Variants in TMPPE observed in about 807,000 individuals in gnomAD.
TMPPE encodes transmembrane protein with metallophosphoesterase domain.
Under a neutral mutation model 22.6 loss-of-function variants are expected in TMPPE, and 16 were observed. The ratio of observed to expected loss-of-function variants is 0.71; its 90% CI spans 0.48 to 1.08. TMPPE has a LOEUF of 1.08. TMPPE is among the 50% of genes least tolerant of loss of function. The pLI is 0.00. For synonymous variants in TMPPE, 240 were observed against 245.3 expected (o/e 0.98, Z 0.20); for missense variants, 526 against 584.3 (o/e 0.90, Z 1.03).
At position 33,091,866 on chromosome 3, in the gene TMPPE, T is replaced by G; in HGVS notation, c.*968A>C. ...AGGCCTTTTCTAACACGGGTGCTTA[T>G]CTCCATCTCAGGATCAAAGGATCTA... is the stretch of plus-strand genomic sequence containing the variant. On this transcript the variant is annotated 3_prime_UTR_variant, in exon 2 of 2. Coordinates refer to ENST00000342462, the MANE Select transcript of TMPPE (RefSeq NM_001039770.3). 3.0e-6 allele frequency: 3 copies of G among 985,360 alleles called. No homozygotes were observed. The highest frequency in any genetic ancestry group is 3.6e-6 in the Non-Finnish European group (3 of 829,938). 61.0% of individuals were successfully genotyped at this position (985,360 alleles called of 1,614,324 possible). A position where few individuals can be genotyped will look rare whatever the true frequency, so the allele number is the denominator to read the frequency against.
Position 33,093,596 on chromosome 3 carries a change from C to G in TMPPE, c.600G>C (p.Leu200=). Reference sequence around the variant, plus strand: ...TCTTGAGGTTGTTCATTGAGGCAGGCAGCTGATGGATGGGCACCTCCACAG... The same window carrying G: ...TCTTGAGGTTGTTCATTGAGGCAGGGAGCTGATGGATGGGCACCTCCACAG... ...VKTVEVPIHQ[L]PASMNNLKIV... is the part of the protein sequence containing the mutation. The change falls in exon 2 of 2, where the codon CTG becomes CTC. Residue 200 remains leucine (L), a synonymous_variant. Transcript: ENST00000342462. This position sits in a 1 kb window ranked among gnomAD's most constrained non-coding sequence, Gnocchi z 6.0. 1 of 1,614,150 alleles carries G rather than the reference C, an allele frequency of 6.2e-7. No individual in the cohort carries two copies. Among genetic ancestry groups the G allele is most frequent in the Non-Finnish European group, 8.5e-7 (1 of 1,180,000 alleles).
chr3:33,094,204 C>T lies in TMPPE; in HGVS notation c.-9G>A. 1 of 1,586,550 alleles carries T rather than the reference C, an allele frequency of 6.3e-7. No individual in the cohort carries two copies. The highest frequency in any genetic ancestry group is 1.1e-5 in the South Asian group (1 of 87,008). On this transcript the variant is annotated 5_prime_UTR_variant, in exon 2 of 2. Transcript: ENST00000342462. ...TGCCTGAAGATGGCCATTTTCTCTGCTCCTAGTAGGCTCCCCCACCAGTTC... is the reference window on the plus strand; with the variant it reads ...TGCCTGAAGATGGCCATTTTCTCTGTTCCTAGTAGGCTCCCCCACCAGTTC...
In TMPPE at chr3:33,091,648, A is replaced by G; in HGVS notation, c.*1186T>C. ...CAATCTTGAGGTAGATACGATAATT[A>G]TCCCCATTTTAGGGTTGATGGAAAC... On this transcript the variant is annotated 3_prime_UTR_variant, in exon 2 of 2. Coordinates refer to ENST00000342462, the MANE Select transcript of TMPPE (RefSeq NM_001039770.3). 1 of 984,692 alleles carries G rather than the reference A, an allele frequency of 1.0e-6. No homozygotes were observed. 61.0% of individuals were successfully genotyped at this position (984,692 alleles called of 1,614,324 possible).
Position 33,091,988 on chromosome 3 carries a change from G to A in TMPPE, c.*846C>T, listed in dbSNP as rs1021371959. 2 of 983,360 alleles carry A rather than the reference G, an allele frequency of 2.0e-6. No individual in the cohort carries two copies. Among genetic ancestry groups the A allele is most frequent in the African/African-American group, 1.7e-5 (1 of 57,180 alleles). 60.9% of individuals were successfully genotyped at this position (983,360 alleles called of 1,614,324 possible). ...TCCTACATATCTTGTCATACTGCCTGTGCCCTATCTCTCTTTGCCTTGGTT... is the reference window on the plus strand; with the variant it reads ...TCCTACATATCTTGTCATACTGCCTATGCCCTATCTCTCTTTGCCTTGGTT... On this transcript the variant is annotated 3_prime_UTR_variant, in exon 2 of 2. Transcript: ENST00000342462.
chr3:33,096,583 T>G, intron 1 of TMPPE, 136 bp downstream of exon 1: 15 of 1,031,968 alleles, frequency 1.5e-5, no homozygotes, highest in Non-Finnish European at 1.7e-5. Flanking sequence ...GACCCCATTT[T>G]TCTCCTTCCG....
intron 1 of TMPPE, chr3:33,096,373 T>C: frequency 2.0e-6 from 2 of 981,342 alleles, no homozygotes; most frequent in Non-Finnish European, 2.4e-6. Context: ...CGATCAACGA[T>C]GGCATCCCCC....
Position 33,093,986 on chromosome 3 carries a change from G to T in TMPPE, c.210C>A (p.Asn70Lys). 2 of 1,614,194 alleles carry T rather than the reference G, an allele frequency of 1.2e-6. No individual in the cohort carries two copies. Among genetic ancestry groups the T allele is most frequent in the Non-Finnish European group, 1.7e-6 (2 of 1,180,028 alleles). The change falls in exon 2 of 2, where the codon AAC (asparagine) becomes AAA (lysine). Residue 70 changes from asparagine (N) to lysine (K), a missense_variant. By Grantham distance (94) the Asn-to-Lys change is moderately conservative. Transcript: ENST00000342462. This position sits in a 1 kb window ranked among gnomAD's most constrained non-coding sequence, Gnocchi z 6.0. ...ACTCTGCAGCTGGGGAGTGGCAGAG[G>T]TTGCTCACTGTGCTGCGCCAAATGT... ...SLYIWRSTVS[N>K]LCHSPAAEST...
chr3:33,092,873 C>G lies in TMPPE; in HGVS notation c.1323G>C (p.Arg441Ser). The G allele has an allele frequency of 6.2e-7, 1 of 1,612,416 alleles. No homozygotes were observed. The highest frequency in any genetic ancestry group is 8.5e-7 in the Non-Finnish European group (1 of 1,179,010). The part of the protein sequence containing the change: ...YYGIPMRLGS[R>S]AEITELILQR... ...GCAGGATGAGCTCTGTGATCTCGGCCCTGCTACCCAGCCTCATGGGTATCC... is the reference window on the plus strand; with the variant it reads ...GCAGGATGAGCTCTGTGATCTCGGCGCTGCTACCCAGCCTCATGGGTATCC... Residue 441 changes from arginine (R) to serine (S), a missense_variant, in exon 2 of 2, where the codon AGG becomes AGC. By Grantham distance (110) the Arg-to-Ser change is moderately radical (BLOSUM62 -1). Transcript: ENST00000342462.
chr3:33,096,533 G>C, intron 1 of TMPPE, 186 bp downstream of exon 1: 7 of 985,318 alleles, frequency 7.1e-6, no homozygotes, highest in Non-Finnish European at 8.4e-6. Context: ...AGCACCCAGA[G>C]GGGAAATAAC....
rs770330156 is a variant in TMPPE at position 33,093,170 on chromosome 3, C to T, written c.1026G>A (p.Leu342=). The T allele has an allele frequency of 1.2e-6, 2 of 1,614,142 alleles. No individual in the cohort carries two copies. The highest frequency in any genetic ancestry group is 1.7e-6 in the Non-Finnish European group (2 of 1,180,024). Residue 342 remains leucine (L), a synonymous_variant, in exon 2 of 2, where the codon CTG becomes CTA. Coordinates refer to ENST00000342462, the MANE Select transcript of TMPPE (RefSeq NM_001039770.3). The surrounding 1 kb of genome is among the most constrained non-coding windows in gnomAD (Gnocchi z 6.0). Reference sequence around the variant, plus strand: ...GATCCATGCCATGGCCAGAGTAGTGCAGGATGTCTGCTTCAATATCGTCCA... The same window carrying T: ...GATCCATGCCATGGCCAGAGTAGTGTAGGATGTCTGCTTCAATATCGTCCA... The part of the protein sequence containing the change: ...AGVDDIEADI[L]HYSGHGMDLD...
Position 33,093,754 on chromosome 3 carries a change from G to T in TMPPE, c.442C>A (p.Arg148Ser), listed in dbSNP as rs369965720. The T allele has an allele frequency of 1.9e-6, 3 of 1,613,582 alleles. No individual in the cohort carries two copies. The highest frequency in any genetic ancestry group is 2.2e-5 in the East Asian group (1 of 44,876). The change falls in exon 2 of 2, where the codon CGC becomes AGC. Residue 148 changes from arginine to serine, a missense_variant. Physicochemically the swap from Arg to Ser is moderately radical, Grantham distance 110 (BLOSUM62 -1). Coordinates refer to ENST00000342462, the MANE Select transcript of TMPPE (RefSeq NM_001039770.3). This position sits in a 1 kb window ranked among gnomAD's most constrained non-coding sequence, Gnocchi z 6.0. The part of the protein sequence containing the change: ...MEQAYQLLAW[R>S]SGRVVGSLEK... ...AGGCTGCCCACGACCCTACCACTGC[G>T]CCAGGCCAAGAGCTGGTAGGCCTGC...
At position 33,094,024 on chromosome 3, in the gene TMPPE, T is replaced by A. The variant is rs765486002; in HGVS notation, c.172A>T (p.Ile58Phe). 6.2e-7 allele frequency: 1 copy of A among 1,614,202 alleles called. No individual in the cohort carries two copies. The highest frequency in any genetic ancestry group is 8.5e-7 in the Non-Finnish European group (1 of 1,180,038). The change falls in exon 2 of 2, where the codon ATT becomes TTT. Residue 58 changes from isoleucine to phenylalanine, a missense_variant. Transcript: ENST00000342462. ...CTGCGCCAAATGTAGAGGGAGCCAA[T>A]GAGCAAGAGCGAGTTGACAAACAGG... ...LALFVNSLLL[I>F]GSLYIWRSTV... is the part of the protein sequence containing the mutation.
At chr3:33,096,257 C>G (rs1227261251) in intron 1 of TMPPE, 2 of 413,334 alleles carry the variant, frequency 4.8e-6, no homozygotes, top group Non-Finnish European at 6.5e-6. Context: ...CTTTGGAGCC[C>G]CTCAGCCAGT....
rs1701054069 is a variant in TMPPE, at chr3:33,096,850, G to A, written c.-240C>T. 7 of 1,394,406 alleles carry A rather than the reference G, an allele frequency of 5.0e-6. No individual in the cohort carries two copies. The highest frequency in any genetic ancestry group is 4.6e-6 in the Non-Finnish European group (5 of 1,075,614). 86.4% of individuals were successfully genotyped at this position (1,394,406 alleles called of 1,614,324 possible). On this transcript the variant is annotated 5_prime_UTR_variant, in exon 1 of 2. Transcript: ENST00000342462. ...CCGGCCCGCCCCCGACGGGAAGGCC[G>A]GTCCACTGCCTGCGTTCCGCCGGCC...
rs1248423385 is a variant in TMPPE, at chr3:33,093,322, G to C, written c.874C>G (p.Leu292Val). ...TSDVSNWFAL[L>V]ESLHVQPLHN... ...AGAGGCTGGACATGCAGGGATTCCA[G>C]AAGTGCAAACCAGTTGCTGACATCT... Residue 292 changes from leucine to valine, a missense_variant, in exon 2 of 2, where the codon CTG becomes GTG. Leu to Val is a conservative substitution (Grantham distance 32). Coordinates refer to ENST00000342462, the MANE Select transcript of TMPPE (RefSeq NM_001039770.3). The surrounding 1 kb of genome is among the most constrained non-coding windows in gnomAD (Gnocchi z 6.0). 4 of 1,614,068 alleles carry C rather than the reference G, an allele frequency of 2.5e-6. No individual in the cohort carries two copies. Among genetic ancestry groups the C allele is most frequent in the Non-Finnish European group, 3.4e-6 (4 of 1,180,044 alleles).
In TMPPE at chr3:33,090,805, C is replaced by T. The variant is rs1418730378; in HGVS notation, c.*2029G>A. The T allele has an allele frequency of 1.0e-6, 1 of 985,144 alleles. No homozygotes were observed. Among genetic ancestry groups the T allele is most frequent in the Admixed American group, 6.2e-5 (1 of 16,234 alleles). 61.0% of individuals were successfully genotyped at this position (985,144 alleles called of 1,614,324 possible). A position where few individuals can be genotyped will look rare whatever the true frequency, so the allele number is the denominator to read the frequency against. ...TGTTTCTCAGATACATAGGATGGAC[C>T]TGTTTTCTTTCTGCTAATAGAAAGC... On this transcript the variant is annotated 3_prime_UTR_variant, in exon 2 of 2. Transcript: ENST00000342462.
rs574183152 is a variant in TMPPE, at chr3:33,091,357, T to G, written c.*1477A>C. The G allele has an allele frequency of 4.7e-5, 46 of 985,456 alleles. No individual in the cohort carries two copies. In the African/African-American group the frequency reaches 7.8e-4, roughly 17 times the overall value. 61.0% of individuals were successfully genotyped at this position (985,456 alleles called of 1,614,324 possible). ...AAGGAGGAAAGGAAGAAACCCCCTTTGCCTGCCAGAATGCACATGAGGGAA... is the reference window on the plus strand; with the variant it reads ...AAGGAGGAAAGGAAGAAACCCCCTTGGCCTGCCAGAATGCACATGAGGGAA... On this transcript the variant is annotated 3_prime_UTR_variant, in exon 2 of 2. Coordinates refer to ENST00000342462, the MANE Select transcript of TMPPE (RefSeq NM_001039770.3).
chr3:33,094,557 A>G (rs545051597), intron 1 of TMPPE, among the ~76,000 whole-genome samples: 21 of 152,364 alleles, frequency 1.4e-4, no homozygotes, highest in African/African-American at 4.8e-4. Context: ...TGTTTTATAA[A>G]AACATTCCAA....
At position 33,093,853 on chromosome 3, in the gene TMPPE, A is replaced by G; in HGVS notation, c.343T>C (p.Ser115Pro). ...CCCAGGCAGGAGTAGGCCGCCAAGG[A>G]AAAGAGATAGGGCTCTTCGGCCACT... Reference protein sequence around the residue: ...FLVAEEPYLFSLAAYSCLGAY... With the variant: ...FLVAEEPYLFPLAAYSCLGAY... Residue 115 changes from serine (S) to proline (P), a missense_variant, in exon 2 of 2, where the codon TCC becomes CCC. By Grantham distance (74) the Ser-to-Pro change is moderately conservative (BLOSUM62 -1). Transcript: ENST00000342462. This position sits in a 1 kb window ranked among gnomAD's most constrained non-coding sequence, Gnocchi z 6.0. 5 of 1,613,758 alleles carry G rather than the reference A, an allele frequency of 3.1e-6. No individual in the cohort carries two copies. The highest frequency in any genetic ancestry group is 1.1e-5 in the South Asian group (1 of 91,018).
Sources: allele counts gnomAD v4.1 joint callset (sites outside exome capture counted in the v4.1 genomes callset), GRCh38; gene constraint gnomAD v4.1.1; non-coding constraint Gnocchi (gnomAD v3.1); transcripts MANE v1.5; gene names NCBI Gene and HGNC (gene_info 2026-07-23, HGNC 2026-07-21).